Variants in PARP4 observed in about 807,000 individuals in gnomAD.
PARP4 encodes poly(ADP-ribose) polymerase family member 4.
A neutral mutation model predicts 187.7 loss-of-function variants in PARP4; 120 were observed. The ratio of observed to expected loss-of-function variants is 0.64; its 90% CI spans 0.55 to 0.74. The LOEUF is 0.74. PARP4 is among the 30% of genes least tolerant of loss of function. The probability of loss-of-function intolerance (pLI) is 0.00; values close to 1 mark genes in which losing one functional copy is unlikely to be tolerated. For synonymous variants in PARP4, 654 were observed against 740.9 expected (o/e 0.88, Z 1.90); for missense variants, 1,836 against 2,070.5 (o/e 0.89, Z 2.20).
intron 32 of PARP4, among the ~76,000 whole-genome samples, chr13:24,430,788 A>C (rs1870296865): frequency 6.6e-6 from 1 of 152,164 alleles, no homozygotes. Context: ...CCAGAGGTTG[A>C]ACAACTGCCT....
At chr13:24,460,274 GAC>G (rs1321916870) in intron 17 of PARP4, 138 bp from the exon 18 acceptor site, 6 of 720,344 alleles carry the variant, frequency 8.3e-6, no homozygotes, top group Middle Eastern at 4.8e-4. Context: ...AAACCTAAAA[GAC>G]ACATTGGTGG....
chr13:24,445,640 T>C (rs1871172590), intron 27 of PARP4, among the ~76,000 whole-genome samples: 1 of 152,256 alleles, frequency 6.6e-6, no homozygotes, highest in South Asian at 2.1e-4. Context: ...TTCATCTGGC[T>C]GTTCATTCGT....
At chr13:24,432,825 C>A (rs1870414346) in intron 31 of PARP4, among the ~76,000 whole-genome samples, 1 of 152,138 alleles carries the variant, frequency 6.6e-6, no homozygotes, top group Non-Finnish European at 1.5e-5. Flanking sequence ...ATGTGCTAAG[C>A]CTGAGCTTGG....
rs4986823 is a variant in PARP4, at chr13:24,435,394, T to C, written c.3747A>G (p.Lys1249=). ...KHRKIPFSKR[K]MELSQPEVSE... ...AAACTTCTGGCTGAGATAATTCCAT[T>C]TTTCTTTTGGAAAATGGAATTTTCC... The change falls in exon 31 of 34, where the codon AAA becomes AAG. Residue 1249 remains lysine (K), a synonymous_variant. Transcript: ENST00000381989. 2,549 of 1,612,210 alleles carry C rather than the reference T, an allele frequency of 1.6e-3. 34 individuals are homozygous for C. The African/African-American group carries it at 0.031, about 20-fold the overall frequency.
At chr13:24,490,913 A>C in intron 9 of PARP4, 85 bp from the exon 10 acceptor site, 1 of 1,242,970 alleles carries the variant, frequency 8.0e-7, no homozygotes, top group South Asian at 1.4e-5. Flanking sequence ...TCTCAAAAAG[A>C]TAGGAAAAGT....
intron 6 of PARP4, among the ~76,000 whole-genome samples, chr13:24,496,708 G>A (rs1324164055): frequency 2.0e-5 from 3 of 152,218 alleles, no homozygotes; most frequent in African/African-American, 7.2e-5. Context: ...CTCTCACGGA[G>A]AAGTGACTGT....
chr13:24,469,922 A>T lies in PARP4; in HGVS notation c.2018T>A (p.Phe673Tyr), dbSNP rs774825668. The T allele has an allele frequency of 6.8e-6, 11 of 1,613,800 alleles. No homozygotes were observed. The highest frequency in any genetic ancestry group is 8.5e-6 in the Non-Finnish European group (10 of 1,179,756). Residue 673 changes from phenylalanine to tyrosine, a missense_variant, in exon 16 of 34, where the codon TTC (phenylalanine) becomes TAC (tyrosine). Around this residue, in one of 8 missense-constraint regions of PARP4, gnomAD observed 1,147 missense variants for 1,214.2 expected, o/e 0.94. Transcript: ENST00000381989. The stretch of plus-strand genomic sequence containing the variant: ...TCCAACTATGTGCTTCCCATTGATG[A>T]AGGCTTCGAAGCCACACACAGCGGC... ...DKAAVCGFEA[F>Y]INGKHIVGEI...
At position 24,426,451 on chromosome 13, in the gene PARP4, T is replaced by A; in HGVS notation, c.4979+15A>T. ...AAAATATAAATAAGTTGCATAATAC[T>A]ATAGTTAAAGCCACCTGGAAATAGA... On this transcript the variant is annotated intron_variant, in intron 33 of 33. Coordinates refer to ENST00000381989, the MANE Select transcript of PARP4 (RefSeq NM_006437.4). 2 of 1,592,944 alleles carry A rather than the reference T, an allele frequency of 1.3e-6. No individual in the cohort carries two copies. The highest frequency in any genetic ancestry group is 1.7e-6 in the Non-Finnish European group (2 of 1,165,400).
Position 24,494,721 on chromosome 13 carries a change from GTC to G in PARP4, c.592-1_592del, listed in dbSNP as rs1868847309. 6.3e-7 allele frequency: 1 copy of G among 1,598,176 alleles called. No individual in the cohort carries two copies. The highest frequency in any genetic ancestry group is 1.1e-5 in the South Asian group (1 of 88,406). ...TTTCTTTATAGCAAACTGTCTTCTA[GTC>G]TGTGAATTATGGTGTATAGCAAAAG... is the stretch of plus-strand genomic sequence containing the variant. On this transcript the variant is annotated splice_acceptor_variant and coding_sequence_variant, in exon 7 of 34. Coordinates refer to ENST00000381989, the MANE Select transcript of PARP4 (RefSeq NM_006437.4). LOFTEE classifies it high-confidence loss of function.
At chr13:24,438,177 C>T (rs1229944260) in intron 30 of PARP4, among the ~76,000 whole-genome samples, 1 of 152,236 alleles carries the variant, frequency 6.6e-6, no homozygotes, top group African/African-American at 2.4e-5. Context: ...GTGTGGTCCC[C>T]AACCTTTATG....
chr13:24,422,042 C>A (rs1339595321), intron 33 of PARP4, among the ~76,000 whole-genome samples: 2 of 152,114 alleles, frequency 1.3e-5, no homozygotes, highest in African/African-American at 4.8e-5. Flanking sequence ...AAATTCTCTC[C>A]CTGTTCCTGA....
rs777197878 is a variant in PARP4 at position 24,452,561 on chromosome 13, G to A, written c.2859C>T (p.Phe953=). 9.9e-6 allele frequency: 16 copies of A among 1,614,010 alleles called. No individual in the cohort carries two copies. The highest frequency in any genetic ancestry group is 1.0e-5 in the Non-Finnish European group (12 of 1,179,932). The change falls in exon 24 of 34, where the codon TTC becomes TTT. Residue 953 remains phenylalanine (F), a synonymous_variant. Coordinates refer to ENST00000381989, the MANE Select transcript of PARP4 (RefSeq NM_006437.4). ...AGCTAAGATATCGGAGTGTTTTCCA[G>A]AAGTCTGTGTTCCCCATGGTAGGTG... ...SATPTMGNTD[F]WKTLRYLSLL... is the part of the protein sequence containing the mutation.
Position 24,503,630 on chromosome 13 carries a change from G to T in PARP4, c.132+15C>A. Reference sequence around the variant, plus strand: ...AATGTTTTATCACACTGTAGTTTATGACACTTGGAAATACCTGAGGATTTA... The same window carrying T: ...AATGTTTTATCACACTGTAGTTTATTACACTTGGAAATACCTGAGGATTTA... On this transcript the variant is annotated intron_variant, in intron 2 of 33. Coordinates refer to ENST00000381989, the MANE Select transcript of PARP4 (RefSeq NM_006437.4). The T allele has an allele frequency of 6.2e-7, 1 of 1,611,836 alleles. No individual in the cohort carries two copies. Among genetic ancestry groups the T allele is most frequent in the South Asian group, 1.1e-5 (1 of 90,948 alleles).
Position 24,459,255 on chromosome 13 carries a change from G to T in PARP4, c.2345+9C>A, listed in dbSNP as rs9581061. ...TTGAATTGACAGGTTTTATATTTTA[G>T]GTACTAACCTTTGCTTTGTTCCTAT... On this transcript the variant is annotated intron_variant, in intron 19 of 33. Transcript: ENST00000381989. The T allele has an allele frequency of 1.8e-4, 281 of 1,584,694 alleles. No homozygotes were observed. The African/African-American group carries it at 3.0e-3, about 17-fold the overall frequency.
chr13:24,484,648 C>T lies in PARP4; in HGVS notation c.1448+5G>A. 2 of 1,593,144 alleles carry T rather than the reference C, an allele frequency of 1.3e-6. No individual in the cohort carries two copies. The highest frequency in any genetic ancestry group is 1.1e-5 in the South Asian group (1 of 90,672). ...AACGATTCTGTGATTAAGGATCGAACATACCTGAGCGAATCACTGAAATAA... is the reference window on the plus strand; with the variant it reads ...AACGATTCTGTGATTAAGGATCGAATATACCTGAGCGAATCACTGAAATAA... On this transcript the variant is annotated splice_donor_5th_base_variant and intron_variant, in intron 12 of 33. Coordinates refer to ENST00000381989, the MANE Select transcript of PARP4 (RefSeq NM_006437.4).
Position 24,435,167 on chromosome 13 carries a change from G to T in PARP4, c.3974C>A (p.Ser1325Tyr), listed in dbSNP as rs1870559944. The T allele has an allele frequency of 7.4e-6, 12 of 1,614,198 alleles. No individual in the cohort carries two copies. Among genetic ancestry groups the T allele is most frequent in the Non-Finnish European group, 1.0e-5 (12 of 1,180,022 alleles). The change falls in exon 31 of 34, where the codon TCC becomes TAC. Residue 1325 changes from serine (S) to tyrosine (Y), a missense_variant. Physicochemically the swap from Ser to Tyr is moderately radical, Grantham distance 144. Around this residue, in one of 8 missense-constraint regions of PARP4, gnomAD observed 450 missense variants for 439.2 expected, o/e 1.02. Transcript: ENST00000381989. ...AGCGCGGGCAGTCGGGGGAAGATAGGAACCAACGGCCGGAGCCAAAATAGG... is the reference window on the plus strand; with the variant it reads ...AGCGCGGGCAGTCGGGGGAAGATAGTAACCAACGGCCGGAGCCAAAATAGG... ...FFPILAPAVG[S>Y]YLPPTARAHS...
At chr13:24,423,500 C>T (rs1414979474) in intron 33 of PARP4, among the ~76,000 whole-genome samples, 1 of 150,666 alleles carries the variant, frequency 6.6e-6, no homozygotes, top group Non-Finnish European at 1.5e-5. Flanking sequence ...CACTGCACGC[C>T]AGCCTGGGTG....
intron 30 of PARP4, among the ~76,000 whole-genome samples, chr13:24,436,603 C>T (rs1565989857): frequency 6.6e-6 from 1 of 152,154 alleles, no homozygotes; most frequent in Non-Finnish European, 1.5e-5. Flanking sequence ...ACACTGTGTC[C>T]AGCCAAAAGC....
At chr13:24,472,927 A>G (rs1261315828) in intron 15 of PARP4, among the ~76,000 whole-genome samples, 1 of 125,152 alleles carries the variant, frequency 8.0e-6, no homozygotes, top group Non-Finnish European at 1.6e-5. Flanking sequence ...ACAGGGTCTC[A>G]CTCTATCACC....
Sources: allele counts gnomAD v4.1 joint callset (sites outside exome capture counted in the v4.1 genomes callset), GRCh38; gene constraint gnomAD v4.1.1; regional missense constraint gnomAD v4.1.1; transcripts MANE v1.5; gene names NCBI Gene and HGNC (gene_info 2026-07-23, HGNC 2026-07-21).